FSTL4: variants seen among roughly 807,000 people sequenced by gnomAD.
FSTL4 encodes the protein follistatin like 4.
A neutral mutation model predicts 78.2 loss-of-function variants in FSTL4; 28 were observed. The ratio of observed to expected loss-of-function variants is 0.36; its 90% CI spans 0.27 to 0.49. The LOEUF is 0.49. Among genes scored for constraint, FSTL4 ranks in the 20% least tolerant of loss-of-function variants. The pLI is 0.98. For synonymous variants in FSTL4, 422 were observed against 440.5 expected, an observed-to-expected ratio of 0.96 and a Z score of 0.53; for missense variants, 922 against 1,084.9, an observed-to-expected ratio of 0.85 and a Z score of 2.11.
At chr5:133,480,963 T>C (rs1758016477) in intron 3 of FSTL4, among the ~76,000 whole-genome samples, 1 of 152,082 alleles carries the variant, frequency 6.6e-6, no homozygotes, top group Non-Finnish European at 1.5e-5. Flanking sequence ...CGGCCCCGTG[T>C]GTGGAGGAAG....
intron 3 of FSTL4, among the ~76,000 whole-genome samples, chr5:133,533,686 C>A (rs997610983): frequency 1.3e-5 from 2 of 152,172 alleles, no homozygotes; most frequent in African/African-American, 4.8e-5. Flanking sequence ...TAGTGAGGAG[C>A]GGAACAAACA....
the FSTL4 span, among the ~76,000 whole-genome samples, chr5:133,668,926 AT>A: frequency 6.6e-6 from 1 of 152,234 alleles, no homozygotes; most frequent in African/African-American, 2.4e-5. Context: ...TCCAAGTTTC[AT>A]TCACTCTTAT....
At chr5:133,326,938 A>G (rs918463361) in intron 4 of FSTL4, among the ~76,000 whole-genome samples, 6 of 152,220 alleles carry the variant, frequency 3.9e-5, no homozygotes, top group East Asian at 1.9e-4. Flanking sequence ...TGTCCCTTCC[A>G]TCACTTGGAG....
chr5:133,799,566 G>GATGT, the FSTL4 span, among the ~76,000 whole-genome samples: 1 of 138,422 alleles, frequency 7.2e-6, no homozygotes, highest in African/African-American at 2.6e-5. Flanking sequence ...GGCCCTGGGA[G>GATGT]CCCACTCAGA....
At chr5:133,510,468 C>G (rs1758705907) in intron 3 of FSTL4, among the ~76,000 whole-genome samples, 1 of 152,166 alleles carries the variant, frequency 6.6e-6, no homozygotes. Context: ...TGGTACCTTC[C>G]TGTCAGCTCT....
intron 3 of FSTL4, among the ~76,000 whole-genome samples, chr5:133,514,387 T>A (rs1473976504): frequency 6.6e-6 from 1 of 151,960 alleles, no homozygotes; most frequent in Non-Finnish European, 1.5e-5. Context: ...GGAAAATGCA[T>A]TTGCATAATT....
the FSTL4 span, among the ~76,000 whole-genome samples, chr5:133,841,589 C>T: frequency 0.085 from 12,967 of 152,290 alleles, 716 homozygotes; most frequent in Admixed American, 0.14. Flanking sequence ...CAACCACTCC[C>T]CACTGTGAGG....
the FSTL4 span, among the ~76,000 whole-genome samples, chr5:133,716,495 C>T: frequency 6.6e-6 from 1 of 151,996 alleles, no homozygotes; most frequent in Non-Finnish European, 1.5e-5. Flanking sequence ...TAACTGGGAA[C>T]ATGTTAAACT....
intron 6 of FSTL4, among the ~76,000 whole-genome samples, chr5:133,249,784 G>T (rs563034639): frequency 6.6e-6 from 1 of 152,262 alleles, no homozygotes; most frequent in Non-Finnish European, 1.5e-5. Context: ...TGCCCAAAAG[G>T]CTATGTGAGT....
intron 3 of FSTL4, among the ~76,000 whole-genome samples, chr5:133,473,554 C>T (rs115959770): frequency 0.024 from 3,579 of 152,280 alleles, 67 homozygotes; most frequent in Middle Eastern, 0.048. Context: ...CAGACCTCTG[C>T]CTCCGCGTCA....
At chr5:133,710,138 C>T in the FSTL4 span, among the ~76,000 whole-genome samples, 4 of 152,136 alleles carry the variant, frequency 2.6e-5, no homozygotes, top group African/African-American at 4.8e-5. Flanking sequence ...TTCTCTCTGC[C>T]CTGGACATGA....
At chr5:133,380,931 CAT>C (rs1251440676) in intron 4 of FSTL4, among the ~76,000 whole-genome samples, 4 of 152,008 alleles carry the variant, frequency 2.6e-5, no homozygotes, top group Non-Finnish European at 5.9e-5. Flanking sequence ...ATTGGTTTAA[CAT>C]ATGAAAATCA....
intron 3 of FSTL4, among the ~76,000 whole-genome samples, chr5:133,407,224 A>T (rs1002564123): frequency 4.6e-5 from 7 of 152,208 alleles, no homozygotes; most frequent in Admixed American, 4.6e-4. Context: ...CACAGGCCCA[A>T]ACCCACTCCT....
chr5:133,232,442 G>A (rs533809305), intron 8 of FSTL4, among the ~76,000 whole-genome samples: 63 of 152,256 alleles, frequency 4.1e-4, no homozygotes, highest in South Asian at 1.0e-3. Context: ...TAATGGGAAG[G>A]AGGCTCTCTG....
chr5:133,361,346 G>A lies in FSTL4; in HGVS notation c.409+39392C>T, dbSNP rs993866166. ...ATCTTGAGATTTCGCGGTTGACTGC[G>A]ATAATCCTTTATAGTTATTTACTAT... On this transcript the variant is annotated intron_variant, in intron 4 of 15. Coordinates refer to ENST00000265342, the MANE Select transcript of FSTL4 (RefSeq NM_015082.2). This position sits in a 1 kb window ranked among gnomAD's most constrained non-coding sequence, Gnocchi z 4.3. Among the ~76,000 whole-genome samples the A allele has an allele frequency of 3.9e-5, 6 of 152,190 alleles. No homozygotes were observed. Among genetic ancestry groups the A allele is most frequent in the Non-Finnish European group, 5.9e-5 (4 of 68,038 alleles).
chr5:133,537,233 G>GA (rs1396153990), intron 3 of FSTL4, among the ~76,000 whole-genome samples: 6 of 152,296 alleles, frequency 3.9e-5, no homozygotes, highest in African/African-American at 1.4e-4. Context: ...TTTTGGGGGA[G>GA]AATAAACTCC....
chr5:133,217,971 T>G (rs572913645), intron 12 of FSTL4, among the ~76,000 whole-genome samples: 1 of 152,276 alleles, frequency 6.6e-6, no homozygotes, highest in East Asian at 1.9e-4. Context: ...CCCTTGTTAA[T>G]CTCATTGAAA....
At chr5:133,270,132 C>T (rs1209177501) in intron 6 of FSTL4, 1 of 152,178 alleles carries the variant, frequency 6.6e-6, no homozygotes, top group Non-Finnish European at 1.5e-5. Flanking sequence ...AGTGATTTAA[C>T]AGGATGCTTT....
At chr5:133,263,210 C>T (rs1752571654) in intron 6 of FSTL4, among the ~76,000 whole-genome samples, 4 of 151,980 alleles carry the variant, frequency 2.6e-5, no homozygotes, top group Admixed American at 1.3e-4. Context: ...CTGTCTTTAA[C>T]CATGGAAGGT....
Sources: allele counts gnomAD v4.1 joint callset (sites outside exome capture counted in the v4.1 genomes callset), GRCh38; gene constraint gnomAD v4.1.1; non-coding constraint Gnocchi (gnomAD v3.1); transcripts MANE v1.5; gene names NCBI Gene and HGNC (gene_info 2026-07-23, HGNC 2026-07-21).